Variants in DISC1 observed in about 807,000 individuals in gnomAD.
The protein encoded by DISC1 is disrupted in schizophrenia 1 protein.
DISC1 carries 57 observed loss-of-function variants against 84.5 expected under a neutral mutation model. The ratio of observed to expected loss-of-function variants is 0.67; its 90% CI spans 0.55 to 0.84. DISC1 has a LOEUF of 0.84. Ranked by LOEUF, DISC1 falls within the 40% of genes least tolerant of loss-of-function variation. The pLI is 0.00. For missense variants in DISC1, 1,000 were observed against 1,057.8 expected (o/e 0.95, Z 0.76); for synonymous variants, 411 against 415.2 (o/e 0.99, Z 0.12).
At chr1:231,708,223 T>C (rs1310799379) in intron 3 of DISC1, among the ~76,000 whole-genome samples, 3 of 152,076 alleles carry the variant, frequency 2.0e-5, no homozygotes, top group Non-Finnish European at 4.4e-5. Context: ...GTGTACTAGG[T>C]AGGGAAGATC....
intron 9 of DISC1, among the ~76,000 whole-genome samples, chr1:231,857,556 A>C (rs544125377): frequency 6.6e-6 from 1 of 152,166 alleles, no homozygotes; most frequent in Non-Finnish European, 1.5e-5. Flanking sequence ...GTTATACTAG[A>C]TATTCTCCAT....
chr1:231,821,022 C>A (rs2081455105), intron 9 of DISC1, among the ~76,000 whole-genome samples: 1 of 152,156 alleles, frequency 6.6e-6, no homozygotes, highest in South Asian at 2.1e-4. Flanking sequence ...CTTAAAATAT[C>A]ATTGTATCTT....
At chr1:231,632,448 T>C (rs2058793547) in intron 1 of DISC1, among the ~76,000 whole-genome samples, 1 of 152,172 alleles carries the variant, frequency 6.6e-6, no homozygotes, top group African/African-American at 2.4e-5. Context: ...AGTTCAAAGT[T>C]TGAACTCTCA....
chr1:231,648,181 A>G (rs372428164), intron 1 of DISC1, among the ~76,000 whole-genome samples: 1 of 152,188 alleles, frequency 6.6e-6, no homozygotes, highest in Non-Finnish European at 1.5e-5. Flanking sequence ...ATTCAGTGTG[A>G]TATTGGCTAT....
At chr1:231,818,852 C>T in intron 9 of DISC1, 1 of 1,119,192 alleles carries the variant, frequency 8.9e-7, no homozygotes, top group Non-Finnish European at 1.1e-6. Context: ...TTCCTTTTGT[C>T]CCTTGGCTCC....
At chr1:231,751,235 C>G (rs2074572906) in intron 4 of DISC1, among the ~76,000 whole-genome samples, 2 of 152,178 alleles carry the variant, frequency 1.3e-5, no homozygotes, top group Non-Finnish European at 2.9e-5. Flanking sequence ...GTAATTCTCT[C>G]ATTCTTTTAT....
At chr1:231,638,431 G>A (rs112112579) in intron 1 of DISC1, among the ~76,000 whole-genome samples, 1 of 152,250 alleles carries the variant, frequency 6.6e-6, no homozygotes, top group African/African-American at 2.4e-5. Context: ...GTTCAGAAGA[G>A]TTTTCCCTCA....
At chr1:231,918,125 C>T (rs966622222) in intron 9 of DISC1, among the ~76,000 whole-genome samples, 3 of 152,172 alleles carry the variant, frequency 2.0e-5, no homozygotes, top group South Asian at 2.1e-4. Flanking sequence ...GTTAGAAGGC[C>T]GCAGGGACTG....
chr1:231,822,152 G>A (rs557464515), intron 9 of DISC1, among the ~76,000 whole-genome samples: 1 of 152,204 alleles, frequency 6.6e-6, no homozygotes, highest in South Asian at 2.1e-4. Context: ...CGACGTCAAG[G>A]GGAGAGATTT....
intron 9 of DISC1, among the ~76,000 whole-genome samples, chr1:231,834,491 G>A (rs1194149621): frequency 6.6e-6 from 1 of 152,170 alleles, no homozygotes; most frequent in Non-Finnish European, 1.5e-5. Flanking sequence ...TTTATGACAA[G>A]AATTATTTAG....
Position 231,958,934 on chromosome 1 carries a change from A to G in DISC1, c.2042+46A>G. ...ATTTCAGACTCCGTAGCACATCTAG[A>G]TTCTTTATTATAACAGAATTTAGTT... On this transcript the variant is annotated intron_variant, in intron 10 of 12. Transcript: ENST00000439617. 1.9e-6 allele frequency: 3 copies of G among 1,560,622 alleles called. No homozygotes were observed. The African/African-American group carries it at 4.2e-5, about 22-fold the overall frequency.
At chr1:231,687,277 G>A (rs565546490) in intron 1 of DISC1, among the ~76,000 whole-genome samples, 7 of 152,182 alleles carry the variant, frequency 4.6e-5, no homozygotes, top group African/African-American at 7.2e-5. Flanking sequence ...ACATACCTGA[G>A]ACTGGGAAGA....
rs189971542 is a variant in DISC1 at position 231,658,147 on chromosome 1, C to A, written c.67+31213C>A. Among the ~76,000 whole-genome samples, 12 of 152,084 alleles carry A rather than the reference C, an allele frequency of 7.9e-5. No individual in the cohort carries two copies. The East Asian group carries it at 2.3e-3, about 29-fold the overall frequency. ...TTTCTCCATTTGTTTGTGTCCTGTA[C>A]GATTTCTTTGAGCAATGGTTTGTAG... is the stretch of plus-strand genomic sequence containing the variant. On this transcript the variant is annotated intron_variant, in intron 1 of 12. Transcript: ENST00000439617.
chr1:231,920,785 C>A (rs2089947423), intron 9 of DISC1, among the ~76,000 whole-genome samples: 1 of 152,038 alleles, frequency 6.6e-6, no homozygotes, highest in Non-Finnish European at 1.5e-5. Context: ...TTAGTACATA[C>A]TTTTATACTA....
intron 10 of DISC1, chr1:231,959,632 C>G: frequency 2.1e-6 from 1 of 479,056 alleles, no homozygotes; most frequent in African/African-American, 2.1e-5. Context: ...AGCTAAAATG[C>G]TGCTTTTCCA....
chr1:231,886,802 T>C (rs1353661329), intron 9 of DISC1, among the ~76,000 whole-genome samples: 4 of 143,530 alleles, frequency 2.8e-5, no homozygotes, highest in South Asian at 2.3e-4. Context: ...TTTCTTTCTT[T>C]CTTTCTTTCT....
intron 1 of DISC1, among the ~76,000 whole-genome samples, chr1:231,670,919 A>T (rs1270989082): frequency 6.6e-6 from 1 of 152,152 alleles, no homozygotes; most frequent in Non-Finnish European, 1.5e-5. Context: ...ATGACTTTTT[A>T]TTGTCTTTAT....
chr1:231,832,431 G>A (rs1392118631), intron 9 of DISC1, among the ~76,000 whole-genome samples: 1 of 152,106 alleles, frequency 6.6e-6, no homozygotes, highest in Non-Finnish European at 1.5e-5. Context: ...TTGTTGTTTT[G>A]TAAGGGATTG....
chr1:231,950,740 A>G (rs1658216157), intron 9 of DISC1, among the ~76,000 whole-genome samples: 1 of 152,230 alleles, frequency 6.6e-6, no homozygotes, highest in Admixed American at 6.5e-5. Flanking sequence ...AGTGACAGGC[A>G]CAGCAGGTAA....
Sources: allele counts gnomAD v4.1 joint callset (sites outside exome capture counted in the v4.1 genomes callset), GRCh38; gene constraint gnomAD v4.1.1; transcripts MANE v1.5; gene names NCBI Gene and HGNC (gene_info 2026-07-23, HGNC 2026-07-21).